Variants in POU6F1 observed in about 807,000 individuals in gnomAD.
POU6F1 encodes POU domain, class 6, transcription factor 1.
A neutral mutation model predicts 28.9 loss-of-function variants in POU6F1; 9 were observed. The observed-to-expected ratio is 0.31, with a 90% CI of 0.19 to 0.54. The LOEUF is 0.54. Ranked by LOEUF, POU6F1 falls within the 20% of genes least tolerant of loss-of-function variation. The pLI, the probability that POU6F1 is intolerant of heterozygous loss-of-function variation, is 0.94. For synonymous variants in POU6F1, 173 were observed against 171.1 expected (o/e 1.01, Z -0.09); for missense variants, 338 against 426.1 (o/e 0.79, Z 1.82).
At position 51,192,469 on chromosome 12, in the gene POU6F1, C is replaced by T. The variant is rs934394224; in HGVS notation, c.1182G>A (p.Val394=). The T allele has an allele frequency of 3.1e-6, 5 of 1,612,656 alleles. No homozygotes were observed. The highest frequency in any genetic ancestry group is 2.7e-5 in the African/African-American group (2 of 74,888). Residue 394 remains valine (V), a splice_region_variant and synonymous_variant, in exon 9 of 11, where the codon GTG becomes GTA. Coordinates refer to ENST00000333640, the MANE Select transcript of POU6F1 (RefSeq NM_001330422.2). Reference sequence around the variant, plus strand: ...CGGTTGGTGTGGGCTGGATGGGCTGCACCTGTGAAAGGACAGACAACAAGC... The same window carrying T: ...CGGTTGGTGTGGGCTGGATGGGCTGTACCTGTGAAAGGACAGACAACAAGC... ...STPESPAKSE[V]QPIQPTPTVP... is the part of the protein sequence containing the mutation.
At chr12:51,215,456 G>A (rs1265146306) in intron 1 of POU6F1, among the ~76,000 whole-genome samples, 1 of 150,818 alleles carries the variant, frequency 6.6e-6, no homozygotes, top group Non-Finnish European at 1.5e-5. Flanking sequence ...TTGGGAGGCC[G>A]AGGTGGGAGA....
chr12:51,192,671 A>C (rs914332436), intron 8 of POU6F1, among the ~76,000 whole-genome samples, 200 bp from the exon 9 acceptor site: 1 of 152,170 alleles, frequency 6.6e-6, no homozygotes, highest in Non-Finnish European at 1.5e-5. Flanking sequence ...TTGGGAAGCC[A>C]AGGCGGGAGG....
chr12:51,201,488 G>A (rs1943199874), intron 3 of POU6F1, among the ~76,000 whole-genome samples: 1 of 150,976 alleles, frequency 6.6e-6, no homozygotes, highest in Non-Finnish European at 1.5e-5. Context: ...GACCAGCCTG[G>A]GCAACAAAAC....
At chr12:51,211,981 C>G (rs1944013092) in intron 1 of POU6F1, among the ~76,000 whole-genome samples, 1 of 152,170 alleles carries the variant, frequency 6.6e-6, no homozygotes, top group Admixed American at 6.5e-5. Flanking sequence ...AGGAGGAGAA[C>G]TGGGATATCC....
intron 1 of POU6F1, among the ~76,000 whole-genome samples, chr12:51,213,556 G>A (rs1302200988): frequency 6.6e-6 from 1 of 151,356 alleles, no homozygotes; most frequent in East Asian, 2.0e-4. Flanking sequence ...TTTTTGAGAC[G>A]AGGACTTGCT....
intron 1 of POU6F1, 62 bp from the exon 2 acceptor site, chr12:51,206,945 C>A (rs750853696): frequency 2.0e-4 from 79 of 396,582 alleles, no homozygotes; most frequent in Non-Finnish European, 2.8e-4. Context: ...ATTTCTATAC[C>A]ATCTAGAAAA....
intron 3 of POU6F1, among the ~76,000 whole-genome samples, chr12:51,203,833 G>A (rs560008372): frequency 1.2e-4 from 19 of 152,212 alleles, no homozygotes; most frequent in South Asian, 4.1e-4. Flanking sequence ...CTGATGAGAG[G>A]GTGCCCCAAG....
Position 51,197,812 on chromosome 12 carries a change from C to G in POU6F1, c.804G>C (p.Gln268His). 3 of 399,490 alleles carry G rather than the reference C, an allele frequency of 7.5e-6. No homozygotes were observed. The East Asian group carries it at 1.1e-4, about 14-fold the overall frequency. The allele number at this position is 399,490 out of a possible 1,614,324, so 24.7% of individuals were successfully genotyped here. A position where few individuals can be genotyped will look rare whatever the true frequency, so the allele number is the denominator to read the frequency against. Reference protein sequence around the residue: ...PTPKPVDTPPQITVQPAGFAF... With the variant: ...PTPKPVDTPPHITVQPAGFAF... Reference sequence around the variant, plus strand: ...CGAAGCCTGCAGGCTGGACGGTGATCTGTGGGGGGGTGTCCACTGGCTTGG... The same window carrying G: ...CGAAGCCTGCAGGCTGGACGGTGATGTGTGGGGGGGTGTCCACTGGCTTGG... The change falls in exon 6 of 11, where the codon CAG (glutamine) becomes CAC (histidine). Residue 268 changes from glutamine (Q) to histidine (H), a missense_variant. Physicochemically the swap from Gln to His is conservative, Grantham distance 24 (BLOSUM62 0). This residue lies in a region of POU6F1 where 206 missense variants were observed against 225.6 expected (regional missense o/e 0.91). Transcript: ENST00000333640.
At chr12:51,214,143 AAAAAATAAATAAAT>A (rs1281180045) in intron 1 of POU6F1, among the ~76,000 whole-genome samples, 6 of 152,076 alleles carry the variant, frequency 3.9e-5, no homozygotes, top group African/African-American at 7.2e-5. Context: ...CTCTATGTCA[AAAAAATAAATAAAT>A]AAAAATAAAT....
At chr12:51,195,226 T>C (rs149293632) in intron 8 of POU6F1, among the ~76,000 whole-genome samples, 1 of 152,316 alleles carries the variant, frequency 6.6e-6, no homozygotes, top group Non-Finnish European at 1.5e-5. Context: ...CCTTGAACTC[T>C]TGGCCTCAAG....
intron 1 of POU6F1, among the ~76,000 whole-genome samples, chr12:51,215,555 C>CA (rs11415220): frequency 0.56 from 50,057 of 88,724 alleles, 14,314 homozygotes; most frequent in Middle Eastern, 0.66. Flanking sequence ...AACCCTGTCT[C>CA]AAAAAAAAAA....
rs904071062 is a variant in POU6F1 at position 51,197,954 on chromosome 12, G to A, written c.662C>T (p.Thr221Met). Residue 221 changes from threonine to methionine, a missense_variant, in exon 6 of 11, where the codon ACG becomes ATG. By Grantham distance (81) the Thr-to-Met change is moderately conservative. Coordinates refer to ENST00000333640, the MANE Select transcript of POU6F1 (RefSeq NM_001330422.2). ...QAAAPVQASSTAQPRPPAQPQ... is the reference protein window; with the variant it reads ...QAAAPVQASSMAQPRPPAQPQ... ...CTGGGCTGGTGGCCGGGGTTGGGCC[G>A]TCGAGGAGGCCTGTACTGGTGCGGC... 4 of 402,646 alleles carry A rather than the reference G, an allele frequency of 9.9e-6. No homozygotes were observed. The highest frequency in any genetic ancestry group is 6.2e-4 in the Middle Eastern group (1 of 1,604). 24.9% of individuals were successfully genotyped at this position (402,646 alleles called of 1,614,324 possible). A position where few individuals can be genotyped will look rare whatever the true frequency, so the allele number is the denominator to read the frequency against.
In POU6F1 at chr12:51,195,822, T is replaced by G; in HGVS notation, c.1179+148A>C. The G allele has an allele frequency of 5.3e-6, 5 of 938,784 alleles. No homozygotes were observed. In the East Asian group the frequency reaches 1.1e-4, roughly 20 times the overall value. 58.2% of individuals were successfully genotyped at this position (938,784 alleles called of 1,614,324 possible). ...GAACCTGTGTGGACACATGTGGGCCTTCTACTCTGGGACCTCCCCCACTTT... is the reference window on the plus strand; with the variant it reads ...GAACCTGTGTGGACACATGTGGGCCGTCTACTCTGGGACCTCCCCCACTTT... On this transcript the variant is annotated intron_variant, in intron 8 of 10. Transcript: ENST00000333640.
At position 51,199,706 on chromosome 12, in the gene POU6F1, T is replaced by G. The variant is rs1281287763; in HGVS notation, c.366+41A>C. The G allele has an allele frequency of 2.5e-6, 1 of 399,080 alleles. No homozygotes were observed. The highest frequency in any genetic ancestry group is 4.4e-6 in the Non-Finnish European group (1 of 226,202). The allele number at this position is 399,080 out of a possible 1,614,324, so 24.7% of individuals were successfully genotyped here. The stretch of plus-strand genomic sequence containing the variant: ...TGCTGGCTGTCCCATGCCTCGCTCC[T>G]GCCCCCGGCCTTCTGTCCAGCTCCC... On this transcript the variant is annotated intron_variant, in intron 4 of 10. Transcript: ENST00000333640. This position sits in a 1 kb window ranked among gnomAD's most constrained non-coding sequence, Gnocchi z 4.1.
Position 51,189,610 on chromosome 12 carries a change from G to C in POU6F1, c.*637C>G, listed in dbSNP as rs1049540039. The stretch of plus-strand genomic sequence containing the variant: ...GGAACCAGGAAGAGGTGGAAGAGGA[G>C]ATCCCATGTTCCAGCCCCAGGGGTT... On this transcript the variant is annotated 3_prime_UTR_variant, in exon 11 of 11. Coordinates refer to ENST00000333640, the MANE Select transcript of POU6F1 (RefSeq NM_001330422.2). 3 of 152,876 alleles carry C rather than the reference G, an allele frequency of 2.0e-5. No homozygotes were observed. Among genetic ancestry groups the C allele is most frequent in the Non-Finnish European group, 2.9e-5 (2 of 68,476 alleles). The allele number at this position is 152,876 out of a possible 1,614,324, so 9.5% of individuals were successfully genotyped here. A position where few individuals can be genotyped will look rare whatever the true frequency, so the allele number is the denominator to read the frequency against.
chr12:51,191,835 T>A (rs1010835988), intron 9 of POU6F1, 71 bp from the exon 10 acceptor site: 314 of 1,573,550 alleles, frequency 2.0e-4, no homozygotes, highest in Non-Finnish European at 2.6e-4. Context: ...GGCTCATTGG[T>A]CTGAACTGAC....
At chr12:51,208,571 C>A (rs559545835) in intron 1 of POU6F1, among the ~76,000 whole-genome samples, 25 of 152,122 alleles carry the variant, frequency 1.6e-4, no homozygotes, top group African/African-American at 5.8e-4. Context: ...TCCTTCCCCG[C>A]AAATTCATGT....
intron 1 of POU6F1, among the ~76,000 whole-genome samples, chr12:51,213,137 A>G (rs963331314): frequency 1.2e-4 from 19 of 152,116 alleles, no homozygotes; most frequent in South Asian, 4.1e-4. Flanking sequence ...GGGTTTCACC[A>G]TGTTGCCCAG....
Position 51,192,437 on chromosome 12 carries a change from T to C in POU6F1, c.1214A>G (p.Gln405Arg), listed in dbSNP as rs1942489790. 6.2e-7 allele frequency: 1 copy of C among 1,613,630 alleles called. No homozygotes were observed. Among genetic ancestry groups the C allele is most frequent in the Non-Finnish European group, 8.5e-7 (1 of 1,180,022 alleles). Residue 405 changes from glutamine (Q) to arginine (R), a missense_variant, in exon 9 of 11, where the codon CAG becomes CGG. By Grantham distance (43) the Gln-to-Arg change is conservative. Coordinates refer to ENST00000333640, the MANE Select transcript of POU6F1 (RefSeq NM_001330422.2). ...TGGGCTGGCAATGACCACAGCAGGC[T>C]GGGGCACGGTTGGTGTGGGCTGGAT... ...QPIQPTPTVP[Q>R]PAVVIASPAP...
Sources: gnomAD v4.1 joint callset for allele counts (sites outside exome capture counted in the v4.1 genomes callset) on GRCh38, gnomAD v4.1.1 for gene constraint, gnomAD v4.1.1 regional missense constraint, Gnocchi (gnomAD v3.1) non-coding constraint, MANE v1.5 for transcripts, NCBI Gene and HGNC (gene_info 2026-07-23, HGNC 2026-07-21) for gene names.